The following PAK5 variants were observed in gnomAD, a reference collection of about 807,000 sequenced individuals.
PAK5 encodes p21 (RAC1) activated kinase 5.
PAK5 carries 16 observed loss-of-function variants against 65.9 expected under a neutral mutation model. The ratio of observed to expected loss-of-function variants is 0.24; its 90% confidence interval spans 0.16 to 0.37. The LOEUF is 0.37. Ranked by LOEUF, PAK5 falls within the 10% of genes least tolerant of loss-of-function variation. The pLI is 1.00. For synonymous variants in PAK5, 371 were observed against 354.9 expected, an observed-to-expected ratio of 1.05 and a Z score of -0.51; for missense variants, 785 against 903.9, an observed-to-expected ratio of 0.87 and a Z score of 1.69.
intron 3 of PAK5, among the ~76,000 whole-genome samples, chr20:9,582,236 G>C (rs1441893967): frequency 6.6e-6 from 1 of 152,142 alleles, no homozygotes; most frequent in Non-Finnish European, 1.5e-5. Context: ...TAGGGTTCTA[G>C]AGTCCCATCC....
chr20:9,813,809 G>A (rs1169345225), intron 1 of PAK5, among the ~76,000 whole-genome samples: 1 of 152,172 alleles, frequency 6.6e-6, no homozygotes. Context: ...TGGGTGTAGT[G>A]AGCAACTAGA....
chr20:9,794,274 T>C (rs1600381931), intron 1 of PAK5, among the ~76,000 whole-genome samples: 1 of 151,960 alleles, frequency 6.6e-6, no homozygotes, highest in Non-Finnish European at 1.5e-5. Context: ...AGCAAACCAC[T>C]ATGGCACATA....
At chr20:9,808,497 A>C (rs530937154) in intron 1 of PAK5, among the ~76,000 whole-genome samples, 1 of 152,356 alleles carries the variant, frequency 6.6e-6, no homozygotes, top group Admixed American at 6.5e-5. Flanking sequence ...GAAACAATTC[A>C]AATGTCCTTC....
intron 3 of PAK5, among the ~76,000 whole-genome samples, chr20:9,638,211 C>T (rs1600179055): frequency 6.6e-6 from 1 of 152,320 alleles, no homozygotes. Flanking sequence ...TCTAATTCAG[C>T]ACAGATTTTG....
intron 1 of PAK5, among the ~76,000 whole-genome samples, chr20:9,769,299 G>A (rs577885770): frequency 6.6e-6 from 1 of 152,178 alleles, no homozygotes; most frequent in Admixed American, 6.5e-5. Context: ...AATCAGTATA[G>A]CGAATATTAT....
At chr20:9,708,290 C>T (rs2048033532) in intron 2 of PAK5, among the ~76,000 whole-genome samples, 1 of 152,100 alleles carries the variant, frequency 6.6e-6, no homozygotes, top group Non-Finnish European at 1.5e-5. Context: ...TATGTTACTT[C>T]AGATAATTTG....
chr20:9,562,781 T>G (rs566266498), intron 6 of PAK5, 110 bp downstream of exon 6: 1 of 904,126 alleles, frequency 1.1e-6, no homozygotes, highest in Admixed American at 2.2e-5. Context: ...GTAGTCATAT[T>G]CCCTGACTCC....
chr20:9,785,769 G>C (rs1600372326), intron 1 of PAK5, among the ~76,000 whole-genome samples: 2 of 152,164 alleles, frequency 1.3e-5, no homozygotes, highest in East Asian at 3.8e-4. Flanking sequence ...TTCATCATGT[G>C]TTGTCCCTTG....
At chr20:9,640,248 T>A (rs953740918) in intron 3 of PAK5, among the ~76,000 whole-genome samples, 2 of 138,296 alleles carry the variant, frequency 1.4e-5, no homozygotes, top group Non-Finnish European at 3.1e-5. Flanking sequence ...TGTGTGATGT[T>A]CCCCTTCCTG....
intron 2 of PAK5, among the ~76,000 whole-genome samples, chr20:9,649,043 G>C (rs1475660677): frequency 6.6e-6 from 1 of 152,164 alleles, no homozygotes; most frequent in African/African-American, 2.4e-5. Flanking sequence ...CCTAATTCAT[G>C]ACAGCTGTGT....
intron 1 of PAK5, among the ~76,000 whole-genome samples, chr20:9,737,882 C>T (rs2048407421): frequency 6.6e-6 from 1 of 151,876 alleles, no homozygotes; most frequent in Admixed American, 6.6e-5. Context: ...GTGGCTCATG[C>T]CTATAATCCC....
At chr20:9,708,366 A>C (rs2048034365) in intron 2 of PAK5, among the ~76,000 whole-genome samples, 1 of 152,264 alleles carries the variant, frequency 6.6e-6, no homozygotes, top group African/African-American at 2.4e-5. Context: ...ACATTCTGCA[A>C]GATTGTGGTG....
chr20:9,694,944 T>G (rs556873632), intron 2 of PAK5, among the ~76,000 whole-genome samples: 45 of 152,192 alleles, frequency 3.0e-4, no homozygotes, highest in African/African-American at 1.1e-3. Context: ...TCAAAGGATA[T>G]GAGTATATTT....
At chr20:9,679,506 T>A (rs963915948) in intron 2 of PAK5, among the ~76,000 whole-genome samples, 1 of 152,194 alleles carries the variant, frequency 6.6e-6, no homozygotes, top group Non-Finnish European at 1.5e-5. Flanking sequence ...TGTTTCTGGA[T>A]GGTAAACACC....
chr20:9,712,366 G>A (rs987527944), intron 1 of PAK5, among the ~76,000 whole-genome samples: 7 of 151,990 alleles, frequency 4.6e-5, no homozygotes, highest in African/African-American at 1.7e-4. Context: ...GGGTAGAAAA[G>A]GACTACATAC....
chr20:9,660,626 G>A (rs1042629754), intron 2 of PAK5, among the ~76,000 whole-genome samples: 2 of 152,118 alleles, frequency 1.3e-5, no homozygotes, highest in African/African-American at 4.8e-5. Flanking sequence ...TATATTGTGT[G>A]GATAGGGATG....
intron 2 of PAK5, among the ~76,000 whole-genome samples, chr20:9,692,793 G>A (rs1248170508): frequency 6.6e-6 from 1 of 151,782 alleles, no homozygotes; most frequent in African/African-American, 2.4e-5. Flanking sequence ...AGTTCACCTG[G>A]GCCAATCAAT....
rs746712269 is a variant in PAK5 at position 9,557,624 on chromosome 20, A to G, written c.1727T>C (p.Leu576Pro). 6.2e-7 allele frequency: 1 copy of G among 1,610,778 alleles called. No homozygotes were observed. The highest frequency in any genetic ancestry group is 1.7e-4 in the Middle Eastern group (1 of 6,054). Reference protein sequence around the residue: ...HRDIKSDSILLTSDGRIKLSD... With the variant: ...HRDIKSDSILPTSDGRIKLSD... Reference sequence around the variant, plus strand: ...ACATCTTACCCGGCCATCGCTTGTCAGGAGGATGGAGTCACTTTTTATGTC... The same window carrying G: ...ACATCTTACCCGGCCATCGCTTGTCGGGAGGATGGAGTCACTTTTTATGTC... Residue 576 changes from leucine (L) to proline (P), a missense_variant, in exon 7 of 10, where the codon CTG becomes CCG. This residue lies in a region of PAK5 where 182 missense variants were observed against 273.0 expected (regional missense o/e 0.67). Transcript: ENST00000353224.
At chr20:9,748,169 G>A (rs892262671) in intron 1 of PAK5, among the ~76,000 whole-genome samples, 18 of 151,958 alleles carry the variant, frequency 1.2e-4, no homozygotes, top group Non-Finnish European at 2.1e-4. Context: ...ACAAACCACT[G>A]CTCAATGAAA....
Sources: allele counts gnomAD v4.1 joint callset (sites outside exome capture counted in the v4.1 genomes callset), GRCh38; gene constraint gnomAD v4.1.1; regional missense constraint gnomAD v4.1.1; transcripts MANE v1.5; gene names NCBI Gene and HGNC (gene_info 2026-07-23, HGNC 2026-07-21).